The following LRRIQ4 variants were observed in gnomAD, a reference collection of about 807,000 sequenced individuals.
The protein encoded by LRRIQ4 is leucine-rich repeat and IQ domain-containing protein 4.
A neutral mutation model predicts 40.1 loss-of-function variants in LRRIQ4; 21 were observed. The observed-to-expected ratio is 0.52, with a 90% CI of 0.37 to 0.75. The LOEUF (loss-of-function observed/expected upper bound fraction) is 0.75, where lower values mean the gene tolerates loss of function less well. Ranked by LOEUF, LRRIQ4 falls within the 30% of genes least tolerant of loss-of-function variation. The pLI, the probability that LRRIQ4 is intolerant of heterozygous loss-of-function variation, is 0.00. For synonymous variants in LRRIQ4, 277 were observed against 277.1 expected, an observed-to-expected ratio of 1.00 and a Z score of 0.00; for missense variants, 655 against 660.0, an observed-to-expected ratio of 0.99 and a Z score of 0.08.
At chr3:169,819,376 C>A (rs983361562) in intron 1 of LRRIQ4, among the ~76,000 whole-genome samples, 15 of 152,188 alleles carry the variant, frequency 9.9e-5, no homozygotes, top group Admixed American at 3.3e-4. Flanking sequence ...ATATTCTAAG[C>A]AGGTCTTATT....
Position 169,833,057 on chromosome 3 carries a change from T to A in LRRIQ4, c.1404T>A (p.Asn468Lys), listed in dbSNP as rs1451271910. 1.2e-6 allele frequency: 2 copies of A among 1,613,856 alleles called. No individual in the cohort carries two copies. Among genetic ancestry groups the A allele is most frequent in the African/African-American group, 1.3e-5 (1 of 74,922 alleles). ...HLPENLDSLV[N>K]LKVLTLMDNP... Reference sequence around the variant, plus strand: ...CAGAGAATTTGGATTCCCTAGTGAATCTTAAGGTTCTGACACTGATGGACA... The same window carrying A: ...CAGAGAATTTGGATTCCCTAGTGAAACTTAAGGTTCTGACACTGATGGACA... Residue 468 changes from asparagine to lysine, a missense_variant, in exon 5 of 6, where the codon AAT becomes AAA. Asn to Lys is a moderately conservative substitution (Grantham distance 94). Transcript: ENST00000340806.
chr3:169,828,674 GT>G (rs1780095390), intron 2 of LRRIQ4, 84 bp from the exon 3 acceptor site: 1 of 1,249,238 alleles, frequency 8.0e-7, no homozygotes, highest in Non-Finnish European at 1.1e-6. Flanking sequence ...TTGTTTAGCA[GT>G]CTGCCTCAAA....
intron 1 of LRRIQ4, among the ~76,000 whole-genome samples, chr3:169,818,709 C>T (rs146585698): frequency 5.6e-4 from 85 of 152,290 alleles, no homozygotes; most frequent in African/African-American, 1.3e-3. Flanking sequence ...CTCTTTATTA[C>T]CATTACATGA....
chr3:169,822,619 G>A lies in LRRIQ4; in HGVS notation c.698G>A (p.Cys233Tyr), dbSNP rs778936184. Residue 233 changes from cysteine to tyrosine, a missense_variant, in exon 2 of 6, where the codon TGT (cysteine) becomes TAT (tyrosine). Physicochemically the swap from Cys to Tyr is radical, Grantham distance 194. Coordinates refer to ENST00000340806, the MANE Select transcript of LRRIQ4 (RefSeq NM_001080460.3). ...LPVLPASLCQ[C>Y]SQLSVLDLSH... is the part of the protein sequence containing the mutation. ...GTTCTGCCCGCGTCCTTGTGCCAGT[G>A]TAGCCAACTGTCGGTGCTCGATTTA... 12 of 1,613,996 alleles carry A rather than the reference G, an allele frequency of 7.4e-6. No homozygotes were observed. In the East Asian group the frequency reaches 2.7e-4, roughly 36 times the overall value.
intron 2 of LRRIQ4, among the ~76,000 whole-genome samples, chr3:169,824,305 C>A (rs1779991426): frequency 6.6e-6 from 1 of 151,894 alleles, no homozygotes; most frequent in Non-Finnish European, 1.5e-5. Context: ...TCACTAGAGG[C>A]CAGAAGTTCA....
chr3:169,833,922 C>T (rs1780244353), intron 5 of LRRIQ4, among the ~76,000 whole-genome samples: 1 of 152,110 alleles, frequency 6.6e-6, no homozygotes, highest in Non-Finnish European at 1.5e-5. Context: ...TAATGTCCTC[C>T]CTTTTATGAT....
At chr3:169,815,119 A>G (rs1779736755) in intron 1 of LRRIQ4, among the ~76,000 whole-genome samples, 1 of 152,072 alleles carries the variant, frequency 6.6e-6, no homozygotes, top group Non-Finnish European at 1.5e-5. Flanking sequence ...GCTATGCTGG[A>G]TCTTTTGTGG....
chr3:169,826,564 T>C (rs894776349), intron 2 of LRRIQ4, among the ~76,000 whole-genome samples: 2 of 152,190 alleles, frequency 1.3e-5, no homozygotes, highest in Non-Finnish European at 2.9e-5. Flanking sequence ...ATGATGAAAC[T>C]AACTACTGGA....
At chr3:169,836,721 A>T (rs1780311528) in intron 5 of LRRIQ4, among the ~76,000 whole-genome samples, 1 of 152,230 alleles carries the variant, frequency 6.6e-6, no homozygotes, top group Admixed American at 6.5e-5. Flanking sequence ...TCCTTGAAGC[A>T]GCGGAGGGGT....
intron 4 of LRRIQ4, 78 bp downstream of exon 4, chr3:169,830,708 G>A (rs1439943270): frequency 6.5e-7 from 1 of 1,533,620 alleles, no homozygotes; most frequent in Non-Finnish European, 8.9e-7. Flanking sequence ...TCCTTGCTTT[G>A]CTAAAGACCT....
At chr3:169,830,704 C>T in intron 4 of LRRIQ4, 74 bp downstream of exon 4, 1 of 1,560,294 alleles carries the variant, frequency 6.4e-7, no homozygotes, top group Non-Finnish European at 8.8e-7. Flanking sequence ...GGCTTCCTTG[C>T]TTTGCTAAAG....
Position 169,833,100 on chromosome 3 carries a change from C to A in LRRIQ4, c.1447C>A (p.Pro483Thr). 1 of 1,613,914 alleles carries A rather than the reference C, an allele frequency of 6.2e-7. No individual in the cohort carries two copies. The highest frequency in any genetic ancestry group is 1.1e-5 in the South Asian group (1 of 91,078). ...TLMDNPMEEPPKEVCAEGNEA... is the reference protein window; with the variant it reads ...TLMDNPMEEPTKEVCAEGNEA... ...GATGGACAATCCCATGGAAGAACCC[C>A]CAAAAGAAGTGTGTGCTGAAGGCAA... The change falls in exon 5 of 6, where the codon CCA (proline) becomes ACA (threonine). Residue 483 changes from proline to threonine, a missense_variant. Coordinates refer to ENST00000340806, the MANE Select transcript of LRRIQ4 (RefSeq NM_001080460.3).
At chr3:169,836,066 C>T (rs1445862234) in intron 5 of LRRIQ4, among the ~76,000 whole-genome samples, 1 of 151,954 alleles carries the variant, frequency 6.6e-6, no homozygotes. Context: ...CATTGAGATA[C>T]ATCAGTGAAC....
chr3:169,834,021 C>T (rs1020662585), intron 5 of LRRIQ4, among the ~76,000 whole-genome samples: 26 of 152,070 alleles, frequency 1.7e-4, no homozygotes, highest in East Asian at 5.8e-4. Context: ...ATCAAAATAA[C>T]GCCTGAGTTA....
chr3:169,830,664 A>T (rs1780147467), intron 4 of LRRIQ4, 34 bp downstream of exon 4: 1 of 1,612,938 alleles, frequency 6.2e-7, no homozygotes, highest in African/African-American at 1.3e-5. Context: ...AGCCTAGCAG[A>T]GTTTGTGGCC....
rs567140619 is a variant in LRRIQ4, at chr3:169,826,018, T to C, written c.1021-2741T>C. 3.3e-5 allele frequency among the ~76,000 whole-genome samples: 5 copies of C among 152,362 alleles called. No homozygotes were observed. The East Asian group carries it at 9.6e-4, about 29-fold the overall frequency. On this transcript the variant is annotated intron_variant, in intron 2 of 5. Transcript: ENST00000340806. ...TTAAAGCCTAACCAGTAGCTTCTAC[T>C]TGCCTGTGTGCATGCAAAAAATATC...
At chr3:169,826,521 C>A (rs1055069996) in intron 2 of LRRIQ4, among the ~76,000 whole-genome samples, 1 of 152,118 alleles carries the variant, frequency 6.6e-6, no homozygotes, top group Non-Finnish European at 1.5e-5. Context: ...TTCTATACAT[C>A]TAGATTTCTT....
At chr3:169,814,819 C>A (rs937955863) in intron 1 of LRRIQ4, among the ~76,000 whole-genome samples, 1 of 152,074 alleles carries the variant, frequency 6.6e-6, no homozygotes, top group African/African-American at 2.4e-5. Context: ...TTGTATGTGG[C>A]AAGAGATAGG....
intron 1 of LRRIQ4, among the ~76,000 whole-genome samples, chr3:169,815,551 G>T (rs1779747559): frequency 6.6e-6 from 1 of 152,048 alleles, no homozygotes; most frequent in Non-Finnish European, 1.5e-5. Flanking sequence ...GAGTCTTAAG[G>T]ATTTTCCAAA....
Sources: allele counts gnomAD v4.1 joint callset (sites outside exome capture counted in the v4.1 genomes callset), GRCh38; gene constraint gnomAD v4.1.1; transcripts MANE v1.5; gene names NCBI Gene and HGNC (gene_info 2026-07-23, HGNC 2026-07-21).